The following CIAO3 variants were observed in gnomAD, a reference collection of about 807,000 sequenced individuals.
CIAO3 encodes LET1 like/JFP15.
In CIAO3, 45 loss-of-function variants were observed where a neutral mutation model predicts 51.5. That is an observed-to-expected ratio of 0.87 (90% CI 0.69 to 1.12). CIAO3 has a LOEUF of 1.12. Among genes scored for constraint, CIAO3 ranks in the 50% most tolerant of loss-of-function variants. The pLI, the probability that CIAO3 is intolerant of heterozygous loss-of-function variation, is 0.00. For synonymous variants in CIAO3, 314 were observed against 269.3 expected (o/e 1.17, Z -1.63); for missense variants, 668 against 632.5 (o/e 1.06, Z -0.60).
At chr16:734,511 G>T in intron 5 of CIAO3, 164 bp from the exon 6 acceptor site, 1 of 880,366 alleles carries the variant, frequency 1.1e-6, no homozygotes, top group Non-Finnish European at 1.8e-6. Flanking sequence ...GGAGCTCGGC[G>T]TGCAGGCGAC....
chr16:733,292 C>T lies in CIAO3; in HGVS notation c.823+6G>A. The T allele has an allele frequency of 2.5e-6, 4 of 1,613,176 alleles. No homozygotes were observed. Among genetic ancestry groups the T allele is most frequent in the Middle Eastern group, 1.7e-4 (1 of 5,950 alleles). On this transcript the variant is annotated splice_donor_region_variant and intron_variant, in intron 7 of 10. Transcript: ENST00000251588. Reference sequence around the variant, plus strand: ...GAGGGCTCAGGGCCGCACGGCGTGACCGCACCTGTTGTGAGGACACAGTCC... The same window carrying T: ...GAGGGCTCAGGGCCGCACGGCGTGATCGCACCTGTTGTGAGGACACAGTCC...
Position 730,360 on chromosome 16 carries a change from T to C in CIAO3, c.*57A>G, listed in dbSNP as rs117501691. ...GGGGAAGCCCTGGGGTCTTGGGGCA[T>C]GTGGTTCTGCTGTCACACATGGACA... On this transcript the variant is annotated 3_prime_UTR_variant, in exon 11 of 11. Transcript: ENST00000251588. 541 of 1,529,334 alleles carry C rather than the reference T, an allele frequency of 3.5e-4. 6 individuals carry two copies. The South Asian group carries it at 5.7e-3, about 16-fold the overall frequency. The allele number at this position is 1,529,334 out of a possible 1,614,324, so 94.7% of individuals were successfully genotyped here. A position where few individuals can be genotyped will look rare whatever the true frequency, so the allele number is the denominator to read the frequency against.
chr16:732,896 A>C (rs2041300012), intron 7 of CIAO3: 1 of 313,172 alleles, frequency 3.2e-6, no homozygotes, highest in East Asian at 8.6e-5. Context: ...TCTGCCTCCC[A>C]AAGTGCTGGG....
intron 2 of CIAO3, chr16:738,120 C>A: frequency 3.9e-6 from 4 of 1,019,774 alleles, no homozygotes; most frequent in Non-Finnish European, 4.7e-6. Flanking sequence ...AGGCACAAAG[C>A]CTTGCCTGCC....
In CIAO3 at chr16:731,580, G is replaced by C; in HGVS notation, c.1019C>G (p.Thr340Ser). The C allele has an allele frequency of 6.4e-7, 1 of 1,567,548 alleles. No individual in the cohort carries two copies. Among genetic ancestry groups the C allele is most frequent in the Non-Finnish European group, 8.6e-7 (1 of 1,156,768 alleles). The change falls in exon 9 of 11, where the codon ACC becomes AGC. Residue 340 changes from threonine to serine, a missense_variant. Coordinates refer to ENST00000251588, the MANE Select transcript of CIAO3 (RefSeq NM_022493.3). ...ELFGIHVAEV[T>S]YKPLRNKDFQ... is the part of the protein sequence containing the mutation. ...TCCCACTGACCTCAGGGGTTTGTAGGTAACCTCAGCCACATGGATTCCAAA... is the reference window on the plus strand; with the variant it reads ...TCCCACTGACCTCAGGGGTTTGTAGCTAACCTCAGCCACATGGATTCCAAA...
chr16:739,919 GGGTTCCCAACATCCTGC>G, intron 1 of CIAO3, 181 bp from the exon 2 acceptor site: 2 of 1,315,816 alleles, frequency 1.5e-6, no homozygotes, highest in Middle Eastern at 3.7e-4. Context: ...CCCAGGGATC[GGGTTCCCAACATCCTGC>G]GGCACTGAAG....
rs765890312 is a variant in CIAO3, at chr16:732,296, C to A, written c.896+5G>T. 1.9e-6 allele frequency: 3 copies of A among 1,609,062 alleles called. No individual in the cohort carries two copies. The highest frequency in any genetic ancestry group is 2.5e-6 in the Non-Finnish European group (3 of 1,177,018). ...ATAACAGTTCTTGGTGGCAGACATA[C>A]GTACAGGCTGTCCAGAGGGGCTGGT... On this transcript the variant is annotated splice_donor_5th_base_variant and intron_variant, in intron 8 of 10. Transcript: ENST00000251588.
intron 7 of CIAO3, chr16:733,069 A>G (rs58994912): frequency 0.021 from 11,407 of 545,090 alleles, 228 homozygotes; most frequent in South Asian, 0.067. Flanking sequence ...CAGAGCCAAC[A>G]AGGAGGTATT....
rs114403736 is a variant in CIAO3, at chr16:734,896, G to A, written c.440-25C>T. 5,276 of 1,530,814 alleles carry A rather than the reference G, an allele frequency of 3.4e-3. 166 individuals are homozygous for A. In the African/African-American group the frequency reaches 0.065, roughly 19 times the overall value. The allele number at this position is 1,530,814 out of a possible 1,614,324, so 94.8% of individuals were successfully genotyped here. On this transcript the variant is annotated intron_variant, in intron 4 of 10. Transcript: ENST00000251588. The stretch of plus-strand genomic sequence containing the variant: ...CCTGGAAGGTGAAGGTGGGTGCCTG[G>A]TTAACCCCATGCGGGACGCCCACAC...
At chr16:732,956 A>C (rs1310706028) in intron 7 of CIAO3, 1 of 335,308 alleles carries the variant, frequency 3.0e-6, no homozygotes, top group Non-Finnish European at 5.7e-6. Context: ...TTTCTGCCTC[A>C]CATTTGGGAG....
At position 740,067 on chromosome 16, in the gene CIAO3, G is replaced by A. The variant is rs1241419191; in HGVS notation, c.67-329C>T. ...GGGGGCGTGACCACCACAGAGACCA[G>A]AGTTGCACTGCCCATCGAGAGGACG... On this transcript the variant is annotated intron_variant, in intron 1 of 10. Coordinates refer to ENST00000251588, the MANE Select transcript of CIAO3 (RefSeq NM_022493.3). 6 of 1,370,896 alleles carry A rather than the reference G, an allele frequency of 4.4e-6. No individual in the cohort carries two copies. In the South Asian group the frequency reaches 6.1e-5, roughly 14 times the overall value. 84.9% of individuals were successfully genotyped at this position (1,370,896 alleles called of 1,614,324 possible). A position where few individuals can be genotyped will look rare whatever the true frequency, so the allele number is the denominator to read the frequency against.
At position 734,302 on chromosome 16, in the gene CIAO3, G is replaced by A; in HGVS notation, c.620C>T (p.Pro207Leu). The A allele has an allele frequency of 1.2e-6, 2 of 1,611,978 alleles. No homozygotes were observed. The highest frequency in any genetic ancestry group is 1.7e-6 in the Non-Finnish European group (2 of 1,179,914). ...CGGGGACCGGGCGGTGCTGATGTGG[G>A]GGAGGATGAAGCTGCCGTGAGTCTT... Reference protein sequence around the residue: ...AEKTHGSFILPHISTARSPQQ... With the variant: ...AEKTHGSFILLHISTARSPQQ... Residue 207 changes from proline to leucine, a missense_variant, in exon 6 of 11, where the codon CCC becomes CTC. By Grantham distance (98) the Pro-to-Leu change is moderately conservative. Transcript: ENST00000251588.
intron 10 of CIAO3, 29 bp downstream of exon 10, chr16:730,814 C>T (rs1167578787): frequency 1.2e-6 from 2 of 1,609,556 alleles, no homozygotes; most frequent in South Asian, 1.1e-5. Flanking sequence ...CAGAAGGGGT[C>T]CTCGTGTCCT....
rs2041258672 is a variant in CIAO3 at position 730,279 on chromosome 16, C to T, written c.*138G>A. The T allele has an allele frequency of 1.2e-6, 1 of 856,098 alleles. No homozygotes were observed. Among genetic ancestry groups the T allele is most frequent in the East Asian group, 2.6e-5 (1 of 39,152 alleles). 53.0% of individuals were successfully genotyped at this position (856,098 alleles called of 1,614,324 possible). The stretch of plus-strand genomic sequence containing the variant: ...GTGACGAGGCGGCTGCGGGTCCTGG[C>T]TAGTCCTAGCTCCTACTCGGGTCCC... On this transcript the variant is annotated 3_prime_UTR_variant, in exon 11 of 11. Transcript: ENST00000251588.
chr16:730,146 C>A lies in CIAO3; in HGVS notation c.*271G>T, dbSNP rs2041256434. 1 of 557,822 alleles carries A rather than the reference C, an allele frequency of 1.8e-6. No individual in the cohort carries two copies. The highest frequency in any genetic ancestry group is 3.2e-6 in the Non-Finnish European group (1 of 311,832). 34.6% of individuals were successfully genotyped at this position (557,822 alleles called of 1,614,324 possible). ...AAGGGCAGCACCTGTGGGCCTCGGC[C>A]CAGGGCCAACGGAACAGGCTCTGGG... On this transcript the variant is annotated 3_prime_UTR_variant, in exon 11 of 11. Coordinates refer to ENST00000251588, the MANE Select transcript of CIAO3 (RefSeq NM_022493.3).
chr16:739,010 G>C (rs1370729844), intron 2 of CIAO3, among the ~76,000 whole-genome samples: 2 of 150,132 alleles, frequency 1.3e-5, no homozygotes, highest in Non-Finnish European at 3.0e-5. Context: ...AAGAATGAGG[G>C]GTCTGGGCTG....
chr16:740,815 T>C, intron 1 of CIAO3, 105 bp downstream of exon 1: 1 of 1,231,784 alleles, frequency 8.1e-7, no homozygotes, highest in Non-Finnish European at 1.1e-6. Context: ...GCTCCCGGGA[T>C]TCGGATCTCA....
intron 1 of CIAO3, chr16:740,250 G>C (rs1387844258): frequency 4.2e-6 from 2 of 474,212 alleles, no homozygotes; most frequent in Non-Finnish European, 7.3e-6. Flanking sequence ...GCCCTGCTCA[G>C]CTCTGGCCCC....
At chr16:739,988 A>C in intron 1 of CIAO3, 1 of 1,483,632 alleles carries the variant, frequency 6.7e-7, no homozygotes, top group South Asian at 1.2e-5. Flanking sequence ...GCGCCTGCAA[A>C]CTACCCACCT....
Sources: allele counts gnomAD v4.1 joint callset (sites outside exome capture counted in the v4.1 genomes callset), GRCh38; gene constraint gnomAD v4.1.1; transcripts MANE v1.5; gene names NCBI Gene and HGNC (gene_info 2026-07-23, HGNC 2026-07-21).